AUTS2: variants seen among roughly 807,000 people sequenced by gnomAD.
AUTS2 encodes autism susceptibility gene 2 protein.
AUTS2 carries 17 observed loss-of-function variants against 112.4 expected under a neutral mutation model. That is an observed-to-expected ratio of 0.15 (90% CI 0.10 to 0.23). The LOEUF (loss-of-function observed/expected upper bound fraction) is 0.23, where lower values mean the gene tolerates loss of function less well. AUTS2 is among the 10% of genes least tolerant of loss of function. The pLI, the probability that AUTS2 is intolerant of heterozygous loss-of-function variation, is 1.00. For synonymous variants in AUTS2, 751 were observed against 702.7 expected (o/e 1.07, Z -1.09); for missense variants, 1,510 against 1,701.6 (o/e 0.89, Z 1.98).
At chr7:70,636,150 A>G (rs1014621690) in intron 5 of AUTS2, among the ~76,000 whole-genome samples, 35 of 152,226 alleles carry the variant, frequency 2.3e-4, no homozygotes, top group African/African-American at 6.3e-4. Flanking sequence ...AGGCAGCACC[A>G]TTGCAGAGAG....
chr7:70,181,098 A>G (rs181305712), intron 4 of AUTS2, among the ~76,000 whole-genome samples: 2 of 152,336 alleles, frequency 1.3e-5, no homozygotes, highest in Admixed American at 1.3e-4. Context: ...TTTAAATGGA[A>G]GATGATGCTT....
chr7:70,283,251 T>C (rs530314651), intron 4 of AUTS2, among the ~76,000 whole-genome samples: 1 of 152,352 alleles, frequency 6.6e-6, no homozygotes, highest in African/African-American at 2.4e-5. Flanking sequence ...GTTTATGTTT[T>C]GTTTTGTGAA....
intron 4 of AUTS2, among the ~76,000 whole-genome samples, chr7:70,331,363 A>G (rs1373773787): frequency 6.6e-6 from 1 of 152,032 alleles, no homozygotes; most frequent in Non-Finnish European, 1.5e-5. Flanking sequence ...CTCTGATGGT[A>G]GTTTTTATTA....
rs372564177 is a variant in AUTS2, at chr7:70,114,463, C to G, written c.523-3669C>G. 1.5e-4 allele frequency among the ~76,000 whole-genome samples: 23 copies of G among 152,252 alleles called. No individual in the cohort carries two copies. In the East Asian group the frequency reaches 3.9e-3, roughly 26 times the overall value. On this transcript the variant is annotated intron_variant, in intron 2 of 18. Transcript: ENST00000342771. ...AACTTCTGAGTTAGTTATGCTACCC[C>G]AAACGATCCATTGGATGTGGCTAAA...
chr7:70,062,512 C>CAA (rs35625069), intron 2 of AUTS2, among the ~76,000 whole-genome samples: 11,941 of 121,594 alleles, frequency 0.098, 701 homozygotes, highest in African/African-American at 0.18. Flanking sequence ...GACTCCGTCT[C>CAA]AAAAAAAAAA....
intron 5 of AUTS2, among the ~76,000 whole-genome samples, chr7:70,561,868 T>C (rs1801502318): frequency 6.6e-6 from 1 of 152,134 alleles, no homozygotes; most frequent in Non-Finnish European, 1.5e-5. Flanking sequence ...ACTTGTTCCC[T>C]TCAAATCTTT....
chr7:70,176,789 G>A (rs909578437), intron 4 of AUTS2, among the ~76,000 whole-genome samples: 27 of 152,122 alleles, frequency 1.8e-4, no homozygotes, highest in Non-Finnish European at 3.5e-4. Context: ...GTGATGGGTT[G>A]TCTTGCACAG....
intron 1 of AUTS2, among the ~76,000 whole-genome samples, chr7:69,865,621 C>G (rs577524326): frequency 6.6e-6 from 1 of 152,256 alleles, no homozygotes; most frequent in South Asian, 2.1e-4. Context: ...TCTGCGACAT[C>G]ACATTTTTCT....
intron 2 of AUTS2, among the ~76,000 whole-genome samples, chr7:69,969,027 G>T (rs1054328413): frequency 5.9e-5 from 9 of 152,018 alleles, no homozygotes; most frequent in African/African-American, 2.2e-4. Context: ...TCATGCACAG[G>T]ATTGGGAAAG....
chr7:70,665,585 G>A lies in AUTS2; in HGVS notation c.691-32984G>A, dbSNP rs149191827. On this transcript the variant is annotated intron_variant, in intron 5 of 18. Coordinates refer to ENST00000342771, the MANE Select transcript of AUTS2 (RefSeq NM_015570.4). The stretch of plus-strand genomic sequence containing the variant: ...CAAAGTATTGGGATTACAGGCATGA[G>A]CCACCACACCCAGGCAGAAACACAA... 1.4e-4 allele frequency among the ~76,000 whole-genome samples: 22 copies of A among 152,194 alleles called. No individual in the cohort carries two copies. In the East Asian group the frequency reaches 4.1e-3, roughly 28 times the overall value.
chr7:69,948,773 CATTTATTTATTTATTT>C (rs36128585), intron 2 of AUTS2, among the ~76,000 whole-genome samples: 3,560 of 147,110 alleles, frequency 0.024, 114 homozygotes, highest in African/African-American at 0.074. Flanking sequence ...AATTTTCTTT[CATTTATTTATTTATTT>C]ATTTATTTAT....
intron 6 of AUTS2, among the ~76,000 whole-genome samples, chr7:70,712,193 CTTTTTTTTTT>C (rs67326941): frequency 2.2e-4 from 10 of 45,172 alleles, no homozygotes; most frequent in South Asian, 1.1e-3. Context: ...GCCTGGCTCA[CTTTTTTTTTT>C]TTTTTTTTTT....
chr7:70,555,573 G>C (rs949279010), intron 5 of AUTS2, among the ~76,000 whole-genome samples: 1 of 152,172 alleles, frequency 6.6e-6, no homozygotes, highest in Non-Finnish European at 1.5e-5. Flanking sequence ...AGAGTTTGCA[G>C]AGTGGCCTTC....
intron 2 of AUTS2, among the ~76,000 whole-genome samples, chr7:69,937,722 T>C (rs2129544627): frequency 6.6e-6 from 1 of 152,302 alleles, no homozygotes; most frequent in Non-Finnish European, 1.5e-5. Flanking sequence ...ATGTTTCCCC[T>C]CAGGAAATGT....
At chr7:69,663,616 T>C (rs1250380786) in intron 1 of AUTS2, among the ~76,000 whole-genome samples, 1 of 152,190 alleles carries the variant, frequency 6.6e-6, no homozygotes, top group Non-Finnish European at 1.5e-5. Context: ...GTGTATACCT[T>C]TTGTATTTCT....
chr7:70,466,934 G>T (rs1396234593), intron 5 of AUTS2, among the ~76,000 whole-genome samples: 1 of 152,152 alleles, frequency 6.6e-6, no homozygotes, highest in Admixed American at 6.5e-5. Context: ...GGTGAGAGAG[G>T]ATGGTGACTC....
At chr7:70,779,815 C>T (rs891079269) in intron 14 of AUTS2, among the ~76,000 whole-genome samples, 9 of 152,008 alleles carry the variant, frequency 5.9e-5, no homozygotes, top group African/African-American at 1.2e-4. Context: ...ACTTTGGGAT[C>T]GCTTGAGCCC....
At chr7:69,981,688 A>G (rs939762951) in intron 2 of AUTS2, among the ~76,000 whole-genome samples, 4 of 152,190 alleles carry the variant, frequency 2.6e-5, no homozygotes, top group African/African-American at 7.2e-5. Context: ...AATACACACC[A>G]CATTAGATTT....
In AUTS2 at chr7:70,766,091, G is replaced by A. The variant is rs376370337; in HGVS notation, c.1469-23G>A. 691 of 1,605,712 alleles carry A rather than the reference G, an allele frequency of 4.3e-4. 1 individual carries two copies. Among genetic ancestry groups the A allele is most frequent in the Non-Finnish European group, 5.4e-4 (633 of 1,173,486 alleles). On this transcript the variant is annotated intron_variant, in intron 8 of 18. Transcript: ENST00000342771. The surrounding 1 kb of genome is among the most constrained non-coding windows in gnomAD (Gnocchi z 4.8). Reference sequence around the variant, plus strand: ...CTTTTCTGAAGGAAAAGGCGTCATCGTCTCCCTCTTCTTCTCTTCCAGAGC... The same window carrying A: ...CTTTTCTGAAGGAAAAGGCGTCATCATCTCCCTCTTCTTCTCTTCCAGAGC...
Sources: allele counts gnomAD v4.1 joint callset (sites outside exome capture counted in the v4.1 genomes callset), GRCh38; gene constraint gnomAD v4.1.1; non-coding constraint Gnocchi (gnomAD v3.1); transcripts MANE v1.5; gene names NCBI Gene and HGNC (gene_info 2026-07-23, HGNC 2026-07-21).